CAST: variants seen among roughly 807,000 people sequenced by gnomAD.
CAST encodes the protein calpastatin.
In CAST, 76 loss-of-function variants were observed where a neutral mutation model predicts 119.6. The observed-to-expected ratio is 0.64, with a 90% CI of 0.53 to 0.77. CAST has a LOEUF of 0.77. Ranked by LOEUF, CAST falls within the 30% of genes least tolerant of loss-of-function variation. The pLI, the probability that CAST is intolerant of heterozygous loss-of-function variation, is 0.00. For missense variants in CAST, 953 were observed against 946.5 expected (o/e 1.01, Z -0.09); for synonymous variants, 319 against 331.6 (o/e 0.96, Z 0.41).
chr5:96,067,523 G>A, the CAST span, among the ~76,000 whole-genome samples: 3 of 152,164 alleles, frequency 2.0e-5, no homozygotes, highest in African/African-American at 7.2e-5. Flanking sequence ...TCTTTGAAAT[G>A]TGAAGAATCA....
intron 1 of CAST, among the ~76,000 whole-genome samples, chr5:96,556,064 T>C (rs1746232017): frequency 6.6e-6 from 1 of 152,220 alleles, no homozygotes; most frequent in South Asian, 2.1e-4. Context: ...ATATCCGCTG[T>C]TCTGCAGCCT....
intron 1 of CAST, among the ~76,000 whole-genome samples, chr5:96,533,485 A>G (rs941001590): frequency 5.9e-5 from 9 of 152,218 alleles, no homozygotes; most frequent in African/African-American, 2.2e-4. Flanking sequence ...AAGCTATTTT[A>G]TAATAATATT....
At chr5:96,178,952 A>G in the CAST span, among the ~76,000 whole-genome samples, 2 of 152,172 alleles carry the variant, frequency 1.3e-5, no homozygotes, top group Non-Finnish European at 2.9e-5. Context: ...CCCATCTTCC[A>G]TCCCAGCAAG....
chr5:96,571,241 G>A (rs140885173), intron 1 of CAST, among the ~76,000 whole-genome samples: 8 of 152,094 alleles, frequency 5.3e-5, no homozygotes, highest in Non-Finnish European at 1.0e-4. Context: ...GATAGGCAGC[G>A]CAGGGAGGGC....
At chr5:96,510,738 G>T in the CAST span, among the ~76,000 whole-genome samples, 1 of 152,168 alleles carries the variant, frequency 6.6e-6, no homozygotes, top group Non-Finnish European at 1.5e-5. Context: ...CTGTGGTAAT[G>T]GTTAAAATTG....
chr5:96,134,927 T>A, the CAST span, among the ~76,000 whole-genome samples: 1 of 151,964 alleles, frequency 6.6e-6, no homozygotes, highest in African/African-American at 2.4e-5. Context: ...AGGGAAGACC[T>A]CCACAAGGAG....
At chr5:96,349,928 A>C in the CAST span, among the ~76,000 whole-genome samples, 1 of 152,158 alleles carries the variant, frequency 6.6e-6, no homozygotes, top group Non-Finnish European at 1.5e-5. Context: ...TCTAATCTAC[A>C]CAAATGACCA....
the CAST span, among the ~76,000 whole-genome samples, chr5:96,165,307 G>C: frequency 3.3e-5 from 5 of 152,228 alleles, no homozygotes; most frequent in African/African-American, 1.2e-4. Flanking sequence ...TTTTATTAGG[G>C]AGGATATATG....
the CAST span, among the ~76,000 whole-genome samples, chr5:96,295,122 GAAACTCA>G: frequency 8.5e-5 from 13 of 152,160 alleles, no homozygotes; most frequent in Non-Finnish European, 1.8e-4. Flanking sequence ...TTCTCAATAA[GAAACTCA>G]AATGCATAAT....
At chr5:96,050,073 TGG>T in the CAST span, 2 of 151,932 alleles carry the variant, frequency 1.3e-5, no homozygotes, top group African/African-American at 4.8e-5. Context: ...AGGTTTGCAC[TGG>T]GAAAAAAAGA....
At chr5:96,118,561 G>A in the CAST span, among the ~76,000 whole-genome samples, 5 of 151,252 alleles carry the variant, frequency 3.3e-5, no homozygotes, top group African/African-American at 1.2e-4. Flanking sequence ...TTACATAAAT[G>A]TCTACTGACT....
the CAST span, among the ~76,000 whole-genome samples, chr5:96,289,146 G>C: frequency 6.6e-6 from 1 of 150,460 alleles, no homozygotes; most frequent in African/African-American, 2.4e-5. Context: ...GTGGGTACTT[G>C]TTAGAACTGA....
the CAST span, among the ~76,000 whole-genome samples, chr5:96,371,996 G>GT: frequency 2.0e-5 from 3 of 151,934 alleles, no homozygotes; most frequent in African/African-American, 2.4e-5. Flanking sequence ...GATTAACTTT[G>GT]TTTTTTTAAA....
the CAST span, among the ~76,000 whole-genome samples, chr5:96,194,462 T>A: frequency 6.6e-6 from 1 of 152,122 alleles, no homozygotes; most frequent in South Asian, 2.1e-4. Context: ...GAGGTAGAAT[T>A]AGAGAACATT....
the CAST span, among the ~76,000 whole-genome samples, chr5:96,108,482 C>G: frequency 6.6e-6 from 1 of 152,156 alleles, no homozygotes; most frequent in Non-Finnish European, 1.5e-5. Flanking sequence ...AGTACCCGGC[C>G]GTGTGAGGTG....
the CAST span, among the ~76,000 whole-genome samples, chr5:96,254,791 A>C: frequency 6.6e-6 from 1 of 152,114 alleles, no homozygotes; most frequent in African/African-American, 2.4e-5. Context: ...TTTATTTTGG[A>C]ATAGGTGAAG....
chr5:96,675,520 A>AT lies in CAST; in HGVS notation c.76-13dup. 6.3e-7 allele frequency: 1 copy of AT among 1,576,520 alleles called. No individual in the cohort carries two copies. Among genetic ancestry groups the AT allele is most frequent in the Non-Finnish European group, 8.7e-7 (1 of 1,146,104 alleles). ...GTGTCATCTTCCTTTATTAAGCATT[A>AT]TTTTTTACTTTTTTATAGCATGTCA... On this transcript the variant is annotated intron_variant, in intron 1 of 31. Transcript: ENST00000675179.
At chr5:96,740,586 A>T (rs1332245831) in intron 12 of CAST, among the ~76,000 whole-genome samples, 159 bp from the exon 13 acceptor site, 2 of 152,126 alleles carry the variant, frequency 1.3e-5, no homozygotes, top group African/African-American at 4.8e-5. Flanking sequence ...TAAGGAACCT[A>T]TCTCAAAATC....
At chr5:96,421,110 G>C in the CAST span, among the ~76,000 whole-genome samples, 14 of 152,336 alleles carry the variant, frequency 9.2e-5, no homozygotes, top group South Asian at 2.9e-3. Flanking sequence ...GGGTCCACAT[G>C]CCTAGAGCGT....
Sources: allele counts gnomAD v4.1 joint callset (sites outside exome capture counted in the v4.1 genomes callset), GRCh38; gene constraint gnomAD v4.1.1; transcripts MANE v1.5; gene names NCBI Gene and HGNC (gene_info 2026-07-23, HGNC 2026-07-21).